The following LRBA variants were observed in gnomAD, a reference collection of about 807,000 sequenced individuals.
LRBA encodes the protein lipopolysaccharide-responsive and beige-like anchor protein.
LRBA carries 176 observed loss-of-function variants against 330.0 expected under a neutral mutation model. The observed-to-expected ratio is 0.53, with a 90% CI of 0.47 to 0.60. LRBA has a LOEUF of 0.60. LRBA is among the 20% of genes least tolerant of loss of function. LRBA has a pLI of 0.00. For synonymous variants in LRBA, 1,230 were observed against 1,193.0 expected (o/e 1.03, Z -0.64); for missense variants, 3,259 against 3,444.8 (o/e 0.95, Z 1.35).
chr4:150,444,741 C>T (rs1274032813), intron 44 of LRBA, among the ~76,000 whole-genome samples: 1 of 152,172 alleles, frequency 6.6e-6, no homozygotes, highest in East Asian at 1.9e-4. Flanking sequence ...TATATACTCA[C>T]TACACCATTT....
chr4:150,576,170 A>AC (rs756096702), intron 40 of LRBA, among the ~76,000 whole-genome samples: 97 of 151,134 alleles, frequency 6.4e-4, no homozygotes, highest in Non-Finnish European at 7.4e-4. Flanking sequence ...TTTTTAAAAA[A>AC]AAAAAAAGGA....
At position 150,513,599 on chromosome 4, in the gene LRBA, G is replaced by A. The variant is rs536902833; in HGVS notation, c.6331-22564C>T. 7.6e-4 allele frequency among the ~76,000 whole-genome samples: 116 copies of A among 152,256 alleles called. 1 individual carries two copies. The highest frequency in any genetic ancestry group is 2.7e-3 in the African/African-American group (114 of 41,550). Reference sequence around the variant, plus strand: ...GTGATTTCTTGGAGTTCTGGAGGCTGGGAAGTCCAAGATCAAGTTGCCAGC... The same window carrying A: ...GTGATTTCTTGGAGTTCTGGAGGCTAGGAAGTCCAAGATCAAGTTGCCAGC... On this transcript the variant is annotated intron_variant, in intron 40 of 56. Transcript: ENST00000651943.
At chr4:150,980,969 T>C (rs1259408026) in intron 2 of LRBA, among the ~76,000 whole-genome samples, 3 of 151,748 alleles carry the variant, frequency 2.0e-5, no homozygotes, top group Non-Finnish European at 4.4e-5. Context: ...TGAAAAAAAG[T>C]GAAGAGGACA....
intron 12 of LRBA, 54 bp from the exon 13 acceptor site, chr4:150,906,044 T>C: frequency 6.6e-7 from 1 of 1,505,054 alleles, no homozygotes. Flanking sequence ...AGTAAGTGAA[T>C]TACAGGCTGT....
chr4:150,823,462 G>A, intron 30 of LRBA, among the ~76,000 whole-genome samples: 1 of 151,986 alleles, frequency 6.6e-6, no homozygotes, highest in East Asian at 1.9e-4. Flanking sequence ...AAGTTCTGTA[G>A]CTTGATGTGA....
At chr4:150,835,917 G>A (rs1747978337) in intron 28 of LRBA, among the ~76,000 whole-genome samples, 1 of 152,168 alleles carries the variant, frequency 6.6e-6, no homozygotes, top group African/African-American at 2.4e-5. Context: ...TGCCCATTCA[G>A]TATGATATTG....
At chr4:150,755,472 T>C (rs1187756895) in intron 35 of LRBA, among the ~76,000 whole-genome samples, 1 of 152,194 alleles carries the variant, frequency 6.6e-6, no homozygotes, top group African/African-American at 2.4e-5. Flanking sequence ...GCTCTTAAAA[T>C]GTGTTTTTAT....
chr4:150,963,893 G>GGGAGC lies in LRBA; in HGVS notation c.217-34833_217-34829dup, dbSNP rs1359446273. On this transcript the variant is annotated intron_variant, in intron 2 of 56. Coordinates refer to ENST00000651943, the MANE Select transcript of LRBA (RefSeq NM_001364905.1). Reference sequence around the variant, plus strand: ...CTGGCCGCCCATCATCTGGGATGTGGGGAGCGCCTGTGCCCCGCCGCCCCG... The same window carrying GGGAGC: ...CTGGCCGCCCATCATCTGGGATGTGGGGAGCGGAGCGCCTGTGCCCCGCCGCCCCG... Among the ~76,000 whole-genome samples, 49 of 147,662 alleles carry GGGAGC rather than the reference G, an allele frequency of 3.3e-4. 5 individuals are homozygous for GGGAGC. Among genetic ancestry groups the GGGAGC allele is most frequent in the African/African-American group, 1.3e-3 (48 of 37,680 alleles).
At chr4:150,820,474 A>C (rs755546390) in intron 30 of LRBA, among the ~76,000 whole-genome samples, 1 of 152,054 alleles carries the variant, frequency 6.6e-6, no homozygotes, top group Non-Finnish European at 1.5e-5. Context: ...TCTAACATAT[A>C]AAATTATTTA....
chr4:150,811,624 T>C (rs1222275743), intron 31 of LRBA, among the ~76,000 whole-genome samples: 1 of 152,122 alleles, frequency 6.6e-6, no homozygotes, highest in African/African-American at 2.4e-5. Context: ...TGTCTCAGCC[T>C]TCTGAGTAGG....
At chr4:150,875,446 A>G (rs746920884) in intron 17 of LRBA, among the ~76,000 whole-genome samples, 3 of 152,218 alleles carry the variant, frequency 2.0e-5, no homozygotes, top group Non-Finnish European at 4.4e-5. Context: ...ACCATGCACT[A>G]CACACATCAG....
At chr4:150,458,851 A>T in intron 44 of LRBA, among the ~76,000 whole-genome samples, 2 of 145,566 alleles carry the variant, frequency 1.4e-5, no homozygotes, top group East Asian at 2.0e-4. Flanking sequence ...TTTTGTTTTG[A>T]TTTTCTATTT....
chr4:150,717,590 G>A (rs949995231), intron 36 of LRBA, among the ~76,000 whole-genome samples: 12 of 151,240 alleles, frequency 7.9e-5, no homozygotes, highest in African/African-American at 2.9e-4. Flanking sequence ...AATCCAGGAA[G>A]CTCAGTTTGC....
At chr4:150,456,399 T>G (rs554487083) in intron 44 of LRBA, among the ~76,000 whole-genome samples, 1 of 152,174 alleles carries the variant, frequency 6.6e-6, no homozygotes, top group African/African-American at 2.4e-5. Context: ...ATTGAAGCTT[T>G]GATTTGCATT....
intron 37 of LRBA, among the ~76,000 whole-genome samples, chr4:150,603,667 T>A (rs114587193): frequency 0.011 from 1,633 of 152,116 alleles, 21 homozygotes; most frequent in South Asian, 0.023. Flanking sequence ...ATCTGGCTAA[T>A]TTTTTTTATT....
At chr4:150,794,734 C>T (rs1740495421) in intron 34 of LRBA, among the ~76,000 whole-genome samples, 1 of 152,008 alleles carries the variant, frequency 6.6e-6, no homozygotes, top group African/African-American at 2.4e-5. Flanking sequence ...TTTAAATTAA[C>T]TTTTGCTGCT....
chr4:150,309,263 G>A (rs1730754607), intron 52 of LRBA, among the ~76,000 whole-genome samples: 1 of 151,984 alleles, frequency 6.6e-6, no homozygotes, highest in South Asian at 2.1e-4. Context: ...CTAGTATGCT[G>A]TACAGATTTG....
intron 2 of LRBA, among the ~76,000 whole-genome samples, chr4:151,011,198 AG>A (rs1278733888): frequency 2.0e-5 from 3 of 151,664 alleles, no homozygotes; most frequent in Non-Finnish European, 2.9e-5. Context: ...AAAAAAAAAA[AG>A]AGAAAAAACT....
chr4:150,753,151 C>A (rs957499206), intron 35 of LRBA, among the ~76,000 whole-genome samples: 2 of 152,212 alleles, frequency 1.3e-5, no homozygotes, highest in Non-Finnish European at 2.9e-5. Flanking sequence ...GCAATGTCCT[C>A]TGTATCCGAC....
Sources: allele counts gnomAD v4.1 joint callset (sites outside exome capture counted in the v4.1 genomes callset), GRCh38; gene constraint gnomAD v4.1.1; transcripts MANE v1.5; gene names NCBI Gene and HGNC (gene_info 2026-07-23, HGNC 2026-07-21).